Variants in CRYZL1 observed in about 807,000 individuals in gnomAD.
CRYZL1 encodes the protein ferry endosomal RAB5 effector complex subunit 4.
A neutral mutation model predicts 50.6 loss-of-function variants in CRYZL1; 34 were observed. That is an observed-to-expected ratio of 0.67 (90% CI 0.51 to 0.89). The LOEUF is 0.89. CRYZL1 is among the 40% of genes least tolerant of loss of function. The probability of loss-of-function intolerance (pLI) is 0.00; values close to 1 mark genes in which losing one functional copy is unlikely to be tolerated. For missense variants in CRYZL1, 354 were observed against 402.3 expected (o/e 0.88, Z 1.03); for synonymous variants, 125 against 134.3 (o/e 0.93, Z 0.48).
intron 1 of CRYZL1, among the ~76,000 whole-genome samples, chr21:33,635,427 T>G (rs1395991418): frequency 6.8e-6 from 1 of 147,592 alleles, no homozygotes; most frequent in African/African-American, 2.5e-5. Flanking sequence ...CTCAGCTCAC[T>G]GCAAGCTCCG....
Position 33,595,823 on chromosome 21 carries a change from T to G in CRYZL1, c.812A>C (p.Asp271Ala), listed in dbSNP as rs763973380. 6.2e-7 allele frequency: 1 copy of G among 1,611,726 alleles called. No homozygotes were observed. Among genetic ancestry groups the G allele is most frequent in the South Asian group, 1.1e-5 (1 of 91,032 alleles). The change falls in exon 11 of 13, where the codon GAT becomes GCT. Residue 271 changes from aspartate to alanine, a missense_variant. Transcript: ENST00000381554. The stretch of plus-strand genomic sequence containing the variant: ...TCCCTTGAGGAAAAGGCAGTGGCTA[T>G]CTGGAGGATCCAACTTGGATAGAAT... ...TEENLQLDPPDSHCLFLKGAT... is the reference protein window; with the variant it reads ...TEENLQLDPPASHCLFLKGAT...
intron 6 of CRYZL1, among the ~76,000 whole-genome samples, chr21:33,609,453 C>G (rs1015156869): frequency 1.3e-5 from 2 of 152,066 alleles, no homozygotes; most frequent in South Asian, 4.1e-4. Flanking sequence ...GCACACACCA[C>G]CATATCTAGT....
intron 1 of CRYZL1, among the ~76,000 whole-genome samples, chr21:33,635,660 G>T (rs1489107586): frequency 6.8e-6 from 1 of 146,600 alleles, no homozygotes; most frequent in Non-Finnish European, 1.5e-5. Flanking sequence ...GGCCATAAAA[G>T]TATTAAACAT....
At chr21:33,598,602 T>C (rs937956808) in intron 9 of CRYZL1, among the ~76,000 whole-genome samples, 2 of 152,158 alleles carry the variant, frequency 1.3e-5, no homozygotes, top group African/African-American at 4.8e-5. Context: ...ACACAGCAGA[T>C]GGGACTGAAA....
At chr21:33,621,213 C>T (rs1419353901) in intron 4 of CRYZL1, among the ~76,000 whole-genome samples, 1 of 149,304 alleles carries the variant, frequency 6.7e-6, no homozygotes, top group Non-Finnish European at 1.5e-5. Flanking sequence ...CCGGGGTGTC[C>T]AATCTTTTGG....
intron 4 of CRYZL1, among the ~76,000 whole-genome samples, chr21:33,620,981 C>T (rs1298338490): frequency 0.17 from 1 of 6 alleles, no homozygotes; most frequent in Non-Finnish European, 0.25. Context: ...TCTCGGCTCA[C>T]TGCAGCTCCG....
chr21:33,626,839 C>A (rs1318342196), intron 2 of CRYZL1, among the ~76,000 whole-genome samples: 1 of 152,120 alleles, frequency 6.6e-6, no homozygotes, highest in African/African-American at 2.4e-5. Flanking sequence ...TTAAATCAGT[C>A]TCCTCTACCC....
chr21:33,603,061 G>C (rs969669576), intron 7 of CRYZL1: 1 of 217,754 alleles, frequency 4.6e-6, no homozygotes, highest in Non-Finnish European at 9.4e-6. Context: ...CTTGATCAAC[G>C]TAAGTGTGAG....
At chr21:33,630,899 G>A (rs1211577052) in intron 2 of CRYZL1, among the ~76,000 whole-genome samples, 3 of 152,190 alleles carry the variant, frequency 2.0e-5, no homozygotes, top group East Asian at 1.9e-4. Flanking sequence ...AGCACAGAAT[G>A]ACAAATATTA....
At chr21:33,601,008 C>T (rs1455468696) in intron 8 of CRYZL1, among the ~76,000 whole-genome samples, 13 of 136,976 alleles carry the variant, frequency 9.5e-5, no homozygotes, top group African/African-American at 3.6e-4. Flanking sequence ...ACGATCTCGG[C>T]TCACTGCAAC....
At chr21:33,629,908 C>A (rs1043443227) in intron 2 of CRYZL1, among the ~76,000 whole-genome samples, 10 of 152,148 alleles carry the variant, frequency 6.6e-5, no homozygotes, top group African/African-American at 2.4e-4. Flanking sequence ...TATATTCATT[C>A]TATGCCTAAT....
intron 4 of CRYZL1, among the ~76,000 whole-genome samples, chr21:33,618,641 C>T (rs1360100711): frequency 6.6e-6 from 1 of 152,164 alleles, no homozygotes; most frequent in Admixed American, 6.5e-5. Flanking sequence ...TTGCCACTAG[C>T]AAGTAATTCG....
chr21:33,616,084 C>G (rs142525567), intron 5 of CRYZL1, among the ~76,000 whole-genome samples: 1,977 of 152,032 alleles, frequency 0.013, 51 homozygotes, highest in African/African-American at 0.046. Context: ...CTCCCCCCCC[C>G]AACCCCACCA....
intron 6 of CRYZL1, among the ~76,000 whole-genome samples, chr21:33,612,468 T>C (rs908916596): frequency 1.9e-4 from 29 of 152,282 alleles, no homozygotes; most frequent in African/African-American, 6.7e-4. Flanking sequence ...TTTGTATTTT[T>C]AGTAGAGACA....
At position 33,597,321 on chromosome 21, in the gene CRYZL1, C is replaced by G; in HGVS notation, c.757G>C (p.Gly253Arg). 1 of 1,612,882 alleles carries G rather than the reference C, an allele frequency of 6.2e-7. No homozygotes were observed. The highest frequency in any genetic ancestry group is 8.5e-7 in the Non-Finnish European group (1 of 1,178,934). Residue 253 changes from glycine (G) to arginine (R), a missense_variant, in exon 10 of 13, where the codon GGT becomes CGT. Physicochemically the swap from Gly to Arg is moderately radical, Grantham distance 125 (BLOSUM62 -2). Transcript: ENST00000381554. ...GTTGTTACCCAGTGGCCTCCAACAC[C>G]AAGAAGTGTGATGATATCATGTTTA... ...PHKHDIITLL[G>R]VGGHWVTTEE...
At chr21:33,631,196 C>A (rs889392301) in intron 2 of CRYZL1, among the ~76,000 whole-genome samples, 1 of 152,264 alleles carries the variant, frequency 6.6e-6, no homozygotes, top group African/African-American at 2.4e-5. Context: ...ATGCTAATTA[C>A]CCTGATTTGA....
intron 8 of CRYZL1, among the ~76,000 whole-genome samples, chr21:33,600,384 A>G (rs529370527): frequency 1.3e-5 from 2 of 152,300 alleles, no homozygotes; most frequent in African/African-American, 4.8e-5. Context: ...AATTCTCAGA[A>G]TTTTGAACTG....
chr21:33,631,848 A>G (rs2087141157), intron 1 of CRYZL1, among the ~76,000 whole-genome samples: 1 of 152,196 alleles, frequency 6.6e-6, no homozygotes, highest in Non-Finnish European at 1.5e-5. Context: ...AAGAAGCCTT[A>G]TGATGGCCAG....
chr21:33,625,872 G>A (rs1003027173), intron 2 of CRYZL1, among the ~76,000 whole-genome samples: 1 of 152,038 alleles, frequency 6.6e-6, no homozygotes, highest in African/African-American at 2.4e-5. Context: ...AGTTGCCCAG[G>A]TTGGTCTTGA....
Sources: gnomAD v4.1 joint callset for allele counts (sites outside exome capture counted in the v4.1 genomes callset) on GRCh38, gnomAD v4.1.1 for gene constraint, MANE v1.5 for transcripts, NCBI Gene and HGNC (gene_info 2026-07-23, HGNC 2026-07-21) for gene names.